The following MSRA variants were observed in gnomAD, a reference collection of about 807,000 sequenced individuals.
MSRA encodes the protein mitochondrial peptide methionine sulfoxide reductase.
Under a neutral mutation model 31.3 loss-of-function variants are expected in MSRA, and 54 were observed. The observed-to-expected ratio is 1.73, with a 90% CI of 1.39 to 2.17. The LOEUF (loss-of-function observed/expected upper bound fraction) is 2.17, where lower values mean the gene tolerates loss of function less well. Ranked by LOEUF, MSRA falls within the 30% of genes most tolerant of loss-of-function variation. The pLI is 0.00. For missense variants in MSRA, 507 were observed against 300.9 expected (o/e 1.69, Z -5.07); for synonymous variants, 169 against 116.5 (o/e 1.45, Z -2.90).
chr8:10,141,568 A>G (rs1315368965), intron 1 of MSRA, among the ~76,000 whole-genome samples: 2 of 152,218 alleles, frequency 1.3e-5, no homozygotes, highest in East Asian at 3.9e-4. Flanking sequence ...AGAGCTAAGC[A>G]TGCATGGAGT....
At chr8:10,364,112 C>T (rs1219283489) in intron 5 of MSRA, among the ~76,000 whole-genome samples, 1 of 152,172 alleles carries the variant, frequency 6.6e-6, no homozygotes, top group East Asian at 1.9e-4. Context: ...GCTCATTACT[C>T]AAGGTCCAGA....
At chr8:10,320,037 G>A in intron 5 of MSRA, 48 bp downstream of exon 5, 1 of 1,281,704 alleles carries the variant, frequency 7.8e-7, no homozygotes. Context: ...ACCATGACTA[G>A]GGCCAGGTTC....
intron 1 of MSRA, among the ~76,000 whole-genome samples, chr8:10,121,332 C>T (rs1346033001): frequency 1.3e-5 from 2 of 152,168 alleles, no homozygotes; most frequent in Non-Finnish European, 2.9e-5. Context: ...GACTTGTGGG[C>T]AGCACTGACC....
chr8:10,368,280 C>A (rs772395458), intron 5 of MSRA, among the ~76,000 whole-genome samples: 1 of 152,210 alleles, frequency 6.6e-6, no homozygotes, highest in Non-Finnish European at 1.5e-5. Context: ...TTTAAGGCCT[C>A]CCCCTGCCCA....
At chr8:10,202,764 G>C (rs567248355) in intron 1 of MSRA, among the ~76,000 whole-genome samples, 31 of 152,184 alleles carry the variant, frequency 2.0e-4, no homozygotes, top group Non-Finnish European at 3.4e-4. Flanking sequence ...GTTATGTACT[G>C]GACACTGTTC....
intron 5 of MSRA, among the ~76,000 whole-genome samples, chr8:10,397,395 T>C (rs948976502): frequency 3.3e-5 from 5 of 152,200 alleles, no homozygotes; most frequent in Admixed American, 2.0e-4. Context: ...GAACCTGTTA[T>C]CCTGCAGGGA....
chr8:10,322,242 C>G (rs368114041), intron 5 of MSRA, among the ~76,000 whole-genome samples: 4 of 5,596 alleles, frequency 7.1e-4, no homozygotes, highest in African/African-American at 8.0e-4. Context: ...TCCAGATGCT[C>G]AAAGAGAGAG....
intron 1 of MSRA, among the ~76,000 whole-genome samples, chr8:10,121,811 C>T (rs746272447): frequency 6.6e-6 from 1 of 151,326 alleles, no homozygotes; most frequent in African/African-American, 2.4e-5. Context: ...GCTGGAACTA[C>T]AGGTGCACAC....
chr8:10,320,774 C>T (rs376625927), intron 5 of MSRA, among the ~76,000 whole-genome samples: 85 of 152,304 alleles, frequency 5.6e-4, no homozygotes, highest in African/African-American at 1.8e-3. Context: ...GGATCTGTTC[C>T]AGGCCTCTCT....
At chr8:10,394,551 C>G (rs956706071) in intron 5 of MSRA, among the ~76,000 whole-genome samples, 1 of 152,252 alleles carries the variant, frequency 6.6e-6, no homozygotes, top group African/African-American at 2.4e-5. Context: ...CCCTGAGCAG[C>G]TCTGTCAGAT....
intron 2 of MSRA, among the ~76,000 whole-genome samples, chr8:10,240,499 C>G (rs1046777749): frequency 6.6e-6 from 1 of 152,176 alleles, no homozygotes; most frequent in Non-Finnish European, 1.5e-5. Flanking sequence ...GGTAGATGCC[C>G]TCTGGCTGGC....
chr8:10,144,073 G>T (rs1426404034), intron 1 of MSRA, among the ~76,000 whole-genome samples: 1 of 152,114 alleles, frequency 6.6e-6, no homozygotes, highest in Non-Finnish European at 1.5e-5. Context: ...ACCCAGACAG[G>T]GAAGTGAACA....
In MSRA at chr8:10,337,249, G is replaced by A. The variant is rs538874812; in HGVS notation, c.543+17260G>A. ...GGCTGGAGTGCAGTGGTGCGATCTC[G>A]GCTCACTGCAAGCTCCACCTCGTGG... On this transcript the variant is annotated intron_variant, in intron 5 of 5. Transcript: ENST00000317173. The A allele has an allele frequency of 3.6e-3, 550 of 153,214 alleles. 5 individuals are homozygous for A. The highest frequency in any genetic ancestry group is 0.013 in the African/African-American group (527 of 41,350). 9.5% of individuals were successfully genotyped at this position (153,214 alleles called of 1,614,324 possible).
intron 2 of MSRA, among the ~76,000 whole-genome samples, chr8:10,241,053 G>A (rs1469033131): frequency 6.6e-6 from 1 of 152,106 alleles, no homozygotes; most frequent in Admixed American, 6.5e-5. Flanking sequence ...GACTGTGGCT[G>A]TAGCCCCTTG....
At chr8:10,368,166 C>T (rs578045329) in intron 5 of MSRA, among the ~76,000 whole-genome samples, 20 of 152,308 alleles carry the variant, frequency 1.3e-4, no homozygotes, top group South Asian at 2.1e-4. Flanking sequence ...GACAAGTGTA[C>T]CTTCACACAT....
chr8:10,065,549 GC>G (rs1797414073), intron 1 of MSRA, among the ~76,000 whole-genome samples: 1 of 152,164 alleles, frequency 6.6e-6, no homozygotes, highest in South Asian at 2.1e-4. Context: ...CCTGACTTAA[GC>G]TATGTGAATT....
chr8:10,179,375 C>G (rs1806341945), intron 1 of MSRA, among the ~76,000 whole-genome samples: 1 of 152,114 alleles, frequency 6.6e-6, no homozygotes, highest in East Asian at 1.9e-4. Flanking sequence ...TTCATCTTTC[C>G]AGTAAAGGGG....
At chr8:10,212,067 A>T (rs961516006) in intron 2 of MSRA, among the ~76,000 whole-genome samples, 1 of 152,044 alleles carries the variant, frequency 6.6e-6, no homozygotes, top group Non-Finnish European at 1.5e-5. Flanking sequence ...TGCACCTCTA[A>T]TCCTAGCTAC....
intron 3 of MSRA, among the ~76,000 whole-genome samples, chr8:10,259,105 G>GAAA (rs374191943): frequency 7.4e-6 from 1 of 135,044 alleles, no homozygotes. Context: ...TCTGTCAAAG[G>GAAA]AAAAAAAAAA....
Sources: allele counts gnomAD v4.1 joint callset (sites outside exome capture counted in the v4.1 genomes callset), GRCh38; gene constraint gnomAD v4.1.1; transcripts MANE v1.5; gene names NCBI Gene and HGNC (gene_info 2026-07-23, HGNC 2026-07-21).